The following MAGEL2 variants were observed in gnomAD, a reference collection of about 807,000 sequenced individuals.
The protein encoded by MAGEL2 is MAGE family member L2.
For missense variants in MAGEL2, 1,830 were observed against 1,699.2 expected, an observed-to-expected ratio of 1.08 and a Z score of -1.35; for synonymous variants, 792 against 721.7, an observed-to-expected ratio of 1.10 and a Z score of -1.56.
chr15:23,644,013 T>G lies in MAGEL2; in HGVS notation c.3730A>C (p.Ser1244Arg). ...ACCTATTAGCGGGGAGGGGGCCTGC[T>G]GGTGGGGCCGTGGGCACTGTCACCG... ...DTGDSAHGPTSRPPPR is the reference protein window; with the variant it reads ...DTGDSAHGPTRRPPPR The change falls in exon 1 of 1, where the codon AGC becomes CGC. Residue 1244 changes from serine (S) to arginine (R), a missense_variant. Transcript: ENST00000650528. 2 of 1,601,754 alleles carry G rather than the reference T, an allele frequency of 1.2e-6. No individual in the cohort carries two copies. Among genetic ancestry groups the G allele is most frequent in the Non-Finnish European group, 1.7e-6 (2 of 1,172,290 alleles).
Position 23,647,012 on chromosome 15 carries a change from G to A in MAGEL2, c.731C>T (p.Thr244Ile), listed in dbSNP as rs1268087987. ...AGGCTGGACCATCAGGACTCCCGGA[G>A]TCAGAGGCTGGGCCATCAGGACTCC... Reference protein sequence around the residue: ...APGVLMAQPLTPGVLMVQPAA... With the variant: ...APGVLMAQPLIPGVLMVQPAA... Residue 244 changes from threonine (T) to isoleucine (I), a missense_variant, in exon 1 of 1, where the codon ACT becomes ATT. By Grantham distance (89) the Thr-to-Ile change is moderately conservative (BLOSUM62 -1). Transcript: ENST00000650528. 2.5e-5 allele frequency: 38 copies of A among 1,536,826 alleles called. No individual in the cohort carries two copies. The highest frequency in any genetic ancestry group is 3.1e-5 in the Non-Finnish European group (36 of 1,146,842).
In MAGEL2 at chr15:23,646,493, C is replaced by A; in HGVS notation, c.1250G>T (p.Arg417Leu). 2.1e-6 allele frequency: 3 copies of A among 1,449,436 alleles called. No individual in the cohort carries two copies. Among genetic ancestry groups the A allele is most frequent in the Non-Finnish European group, 2.7e-6 (3 of 1,109,486 alleles). The allele number at this position is 1,449,436 out of a possible 1,614,324, so 89.8% of individuals were successfully genotyped here. Residue 417 changes from arginine (R) to leucine (L), a missense_variant, in exon 1 of 1, where the codon CGC becomes CTC. Arg to Leu is a moderately radical substitution (Grantham distance 102, BLOSUM62 -2). Coordinates refer to ENST00000650528, the MANE Select transcript of MAGEL2 (RefSeq NM_019066.5). This position sits in a 1 kb window ranked among gnomAD's most constrained non-coding sequence, Gnocchi z 4.2. ...PPMRQGPPPI[R>L]PGPPPIRPGP... Reference sequence around the variant, plus strand: ...AGGGCGGATGGGTGGTGGGCCAGGGCGGATGGGCGGGGGCCCCTGGCGCAT... The same window carrying A: ...AGGGCGGATGGGTGGTGGGCCAGGGAGGATGGGCGGGGGCCCCTGGCGCAT...
chr15:23,646,604 T>G lies in MAGEL2; in HGVS notation c.1139A>C (p.Gln380Pro), dbSNP rs1890411744. 1 of 1,472,020 alleles carries G rather than the reference T, an allele frequency of 6.8e-7. No individual in the cohort carries two copies. The highest frequency in any genetic ancestry group is 2.4e-5 in the Admixed American group (1 of 42,494). The allele number at this position is 1,472,020 out of a possible 1,614,324, so 91.2% of individuals were successfully genotyped here. A position where few individuals can be genotyped will look rare whatever the true frequency, so the allele number is the denominator to read the frequency against. The change falls in exon 1 of 1, where the codon CAA (glutamine) becomes CCA (proline). Residue 380 changes from glutamine to proline, a missense_variant. Gln to Pro is a moderately conservative substitution (Grantham distance 76). Transcript: ENST00000650528. This position sits in a 1 kb window ranked among gnomAD's most constrained non-coding sequence, Gnocchi z 4.2. ...ATSPGWQATQ[Q>P]GWQATPLTWQ... is the part of the protein sequence containing the mutation. ...AGTCAGGGGAGTGGCCTGCCAGCCTTGCTGCGTGGCCTGCCATCCTGGCGA... is the reference window on the plus strand; with the variant it reads ...AGTCAGGGGAGTGGCCTGCCAGCCTGGCTGCGTGGCCTGCCATCCTGGCGA...
Position 23,644,412 on chromosome 15 carries a change from C to A in MAGEL2, c.3331G>T (p.Gly1111Cys), listed in dbSNP as rs749839532. The A allele has an allele frequency of 1.2e-6, 2 of 1,613,870 alleles. No individual in the cohort carries two copies. Among genetic ancestry groups the A allele is most frequent in the Non-Finnish European group, 1.7e-6 (2 of 1,179,868 alleles). Residue 1111 changes from glycine (G) to cysteine (C), a missense_variant, in exon 1 of 1, where the codon GGC (glycine) becomes TGC (cysteine). Transcript: ENST00000650528. ...VASYLDRPKF[G>C]LLMVVLSLIF... Reference sequence around the variant, plus strand: ...AGGCTCAAGACCACCATCAGAAGGCCAAACTTGGGCCTGTCTAAATAGGAT... The same window carrying A: ...AGGCTCAAGACCACCATCAGAAGGCAAAACTTGGGCCTGTCTAAATAGGAT...
Position 23,646,854 on chromosome 15 carries a change from G to A in MAGEL2, c.889C>T (p.Pro297Ser). 6.5e-7 allele frequency: 1 copy of A among 1,536,714 alleles called. No homozygotes were observed. The highest frequency in any genetic ancestry group is 8.7e-7 in the Non-Finnish European group (1 of 1,146,856). The change falls in exon 1 of 1, where the codon CCG becomes TCG. Residue 297 changes from proline (P) to serine (S), a missense_variant. Pro to Ser is a moderately conservative substitution (Grantham distance 74, BLOSUM62 -1). Coordinates refer to ENST00000650528, the MANE Select transcript of MAGEL2 (RefSeq NM_019066.5). The surrounding 1 kb of genome is among the most constrained non-coding windows in gnomAD (Gnocchi z 4.2). ...CCTGAAGCTGGAGGCTGGGTCATCGGAGCTCTCGCACCTGGAGGATGAATC... is the reference window on the plus strand; with the variant it reads ...CCTGAAGCTGGAGGCTGGGTCATCGAAGCTCTCGCACCTGGAGGATGAATC... ...LMIHPPGARA[P>S]MTQPPASGAP...
In MAGEL2 at chr15:23,647,630, C is replaced by T. The variant is rs545665439; in HGVS notation, c.113G>A (p.Arg38Gln). Residue 38 changes from arginine (R) to glutamine (Q), a missense_variant, in exon 1 of 1, where the codon CGG becomes CAG. By Grantham distance (43) the Arg-to-Gln change is conservative (BLOSUM62 1). Coordinates refer to ENST00000650528, the MANE Select transcript of MAGEL2 (RefSeq NM_019066.5). ...TGGATCCCAAGGGACTGGCGGAGCC[C>T]GGGAGGAAGCGGGCGGGGCCCGCAT... Reference protein sequence around the residue: ...VLMRAPPASSRAPPVPWDPPP... With the variant: ...VLMRAPPASSQAPPVPWDPPP... 29 of 1,536,726 alleles carry T rather than the reference C, an allele frequency of 1.9e-5. No individual in the cohort carries two copies. In the South Asian group the frequency reaches 2.1e-4, roughly 11 times the overall value.
In MAGEL2 at chr15:23,647,014, C is replaced by CA; in HGVS notation, c.728dup (p.Thr244AspfsTer287). ...GCTGGACCATCAGGACTCCCGGAGT[C>CA]AGAGGCTGGGCCATCAGGACTCCCG... On this transcript the variant is annotated frameshift_variant, in exon 1 of 1. Transcript: ENST00000650528. LOFTEE classifies it low-confidence loss of function (END_TRUNC). 6.5e-7 allele frequency: 1 copy of CA among 1,536,584 alleles called. No homozygotes were observed. Among genetic ancestry groups the CA allele is most frequent in the Non-Finnish European group, 8.7e-7 (1 of 1,146,744 alleles).
rs1275103700 is a variant in MAGEL2 at position 23,647,228 on chromosome 15, G to C, written c.515C>G (p.Pro172Arg). Residue 172 changes from proline (P) to arginine (R), a missense_variant, in exon 1 of 1, where the codon CCT becomes CGT. Transcript: ENST00000650528. ...PPPPGTPMAH[P>R]PPPGTPMVHP... ...CACCATCGGGGTCCCCGGAGGAGGA[G>C]GATGGGCCATCGGGGTCCCCGGAGG... 6.6e-7 allele frequency: 1 copy of C among 1,524,820 alleles called. No individual in the cohort carries two copies. Among genetic ancestry groups the C allele is most frequent in the African/African-American group, 1.4e-5 (1 of 72,868 alleles). 94.5% of individuals were successfully genotyped at this position (1,524,820 alleles called of 1,614,324 possible).
At position 23,645,683 on chromosome 15, in the gene MAGEL2, T is replaced by C; in HGVS notation, c.2060A>G (p.Gln687Arg). Reference sequence around the variant, plus strand: ...GGCCTGCAAGACTGCAGGCGGTGCCTGCCAGGAAGGCTGGAGCGGCAGTGT... The same window carrying C: ...GGCCTGCAAGACTGCAGGCGGTGCCCGCCAGGAAGGCTGGAGCGGCAGTGT... ...VPTLPLQPSW[Q>R]APPAVLQAQP... is the part of the protein sequence containing the mutation. Residue 687 changes from glutamine (Q) to arginine (R), a missense_variant, in exon 1 of 1, where the codon CAG (glutamine) becomes CGG (arginine). By Grantham distance (43) the Gln-to-Arg change is conservative. Coordinates refer to ENST00000650528, the MANE Select transcript of MAGEL2 (RefSeq NM_019066.5). 1.3e-6 allele frequency: 2 copies of C among 1,560,168 alleles called. No individual in the cohort carries two copies. Among genetic ancestry groups the C allele is most frequent in the South Asian group, 1.2e-5 (1 of 81,184 alleles).
chr15:23,647,564 G>C lies in MAGEL2; in HGVS notation c.179C>G (p.Ala60Gly). 1 of 1,535,380 alleles carries C rather than the reference G, an allele frequency of 6.5e-7. No homozygotes were observed. The highest frequency in any genetic ancestry group is 8.7e-7 in the Non-Finnish European group (1 of 1,146,530). Residue 60 changes from alanine (A) to glycine (G), a missense_variant, in exon 1 of 1, where the codon GCA (alanine) becomes GGA (glycine). Ala to Gly is a moderately conservative substitution (Grantham distance 60). Transcript: ENST00000650528. ...DLQASLAAWQ[A>G]PQPAWEAPQG... ...TGGGGCCTCCCAGGCAGGCTGAGGT[G>C]CCTGCCAAGCGGCCAATGAAGCCTG...
chr15:23,644,728 G>A lies in MAGEL2; in HGVS notation c.3015C>T (p.Ala1005=). The A allele has an allele frequency of 6.2e-7, 1 of 1,613,822 alleles. No individual in the cohort carries two copies. The highest frequency in any genetic ancestry group is 8.5e-7 in the Non-Finnish European group (1 of 1,179,876). Residue 1005 remains alanine, a synonymous_variant, in exon 1 of 1, where the codon GCC becomes GCT. Transcript: ENST00000650528. Reference sequence around the variant, plus strand: ...CCTCCACCTTGGAATTATCCTGGGTGGCACTGGATCCCGGAGAGACACTTG... The same window carrying A: ...CCTCCACCTTGGAATTATCCTGGGTAGCACTGGATCCCGGAGAGACACTTG... ...EVASVSPGSS[A]TQDNSKVEAQ...
Position 23,645,955 on chromosome 15 carries a change from C to T in MAGEL2, c.1788G>A (p.Val596=). 2 of 1,566,126 alleles carry T rather than the reference C, an allele frequency of 1.3e-6. No homozygotes were observed. Among genetic ancestry groups the T allele is most frequent in the Non-Finnish European group, 1.7e-6 (2 of 1,155,058 alleles). ...IWQAPKGQPP[V]PHEIPTSMEF... ...CCATTGACGTTGGAATCTCGTGTGG[C>T]ACCGGGGGCTGACCTTTGGGGGCCT... Residue 596 remains valine (V), a synonymous_variant, in exon 1 of 1, where the codon GTG becomes GTA. Transcript: ENST00000650528.
Position 23,645,326 on chromosome 15 carries a change from C to A in MAGEL2, c.2417G>T (p.Gly806Val). 4.3e-6 allele frequency: 7 copies of A among 1,613,956 alleles called. No homozygotes were observed. The highest frequency in any genetic ancestry group is 5.9e-6 in the Non-Finnish European group (7 of 1,179,880). ...TGGGGTCTCTGAGGCAGCAGAGGGG[C>A]CTTTAAAGGCATTCAGAGAGGCAGG... Reference protein sequence around the residue: ...FQPASLNAFKGPSAASETPKS... With the variant: ...FQPASLNAFKVPSAASETPKS... The change falls in exon 1 of 1, where the codon GGC becomes GTC. Residue 806 changes from glycine to valine, a missense_variant. Transcript: ENST00000650528.
chr15:23,645,321 A>G lies in MAGEL2; in HGVS notation c.2422T>C (p.Ser808Pro). Reference protein sequence around the residue: ...PASLNAFKGPSAASETPKSLP... With the variant: ...PASLNAFKGPPAASETPKSLP... ...GACTTTGGGGTCTCTGAGGCAGCAG[A>G]GGGGCCTTTAAAGGCATTCAGAGAG... Residue 808 changes from serine to proline, a missense_variant, in exon 1 of 1, where the codon TCT becomes CCT. By Grantham distance (74) the Ser-to-Pro change is moderately conservative (BLOSUM62 -1). Transcript: ENST00000650528. 1.2e-6 allele frequency: 2 copies of G among 1,613,982 alleles called. No homozygotes were observed. Among genetic ancestry groups the G allele is most frequent in the Non-Finnish European group, 1.7e-6 (2 of 1,179,878 alleles).
rs751155950 is a variant in MAGEL2 at position 23,647,316 on chromosome 15, G to C, written c.427C>G (p.Pro143Ala). 2 of 1,536,530 alleles carry C rather than the reference G, an allele frequency of 1.3e-6. No homozygotes were observed. Among genetic ancestry groups the C allele is most frequent in the East Asian group, 2.5e-5 (1 of 40,810 alleles). ...SAPGAPMAHP[P>A]PPGTPMSHPP... ...TGGGACATTGGGGTCCCCGGAGGAG[G>C]AGGATGGGCCATGGGAGCTCCGGGA... is the stretch of plus-strand genomic sequence containing the variant. The change falls in exon 1 of 1, where the codon CCT becomes GCT. Residue 143 changes from proline to alanine, a missense_variant. By Grantham distance (27) the Pro-to-Ala change is conservative. Coordinates refer to ENST00000650528, the MANE Select transcript of MAGEL2 (RefSeq NM_019066.5).
In MAGEL2 at chr15:23,644,082, C is replaced by A. The variant is rs779840896; in HGVS notation, c.3661G>T (p.Ala1221Ser). The stretch of plus-strand genomic sequence containing the variant: ...TCTGTGTCTTCCCACTCACACTCTG[C>A]GAGCGCTTCAAGGTAATGGAATGGC... ...SWPFHYLEALAECEWEDTDED... is the reference protein window; with the variant it reads ...SWPFHYLEALSECEWEDTDED... Residue 1221 changes from alanine to serine, a missense_variant, in exon 1 of 1, where the codon GCA becomes TCA. By Grantham distance (99) the Ala-to-Ser change is moderately conservative (BLOSUM62 1). Transcript: ENST00000650528. The A allele has an allele frequency of 3.7e-6, 6 of 1,613,720 alleles. No homozygotes were observed. Among genetic ancestry groups the A allele is most frequent in the Non-Finnish European group, 8.5e-7 (1 of 1,179,866 alleles).
chr15:23,645,146 G>A lies in MAGEL2; in HGVS notation c.2597C>T (p.Ala866Val), dbSNP rs1334024157. The change falls in exon 1 of 1, where the codon GCC becomes GTC. Residue 866 changes from alanine to valine, a missense_variant. Coordinates refer to ENST00000650528, the MANE Select transcript of MAGEL2 (RefSeq NM_019066.5). ...GGTCTTGGAGGCCTCTTGAGTGGTG[G>A]CAGTTGCCTGGGGGGCAGCTGCTGT... ...MATAAAPQAT[A>V]TTQEASKTSV... The A allele has an allele frequency of 6.2e-7, 1 of 1,613,630 alleles. No individual in the cohort carries two copies. The highest frequency in any genetic ancestry group is 1.3e-5 in the African/African-American group (1 of 74,958).
At position 23,646,252 on chromosome 15, in the gene MAGEL2, C is replaced by T. The variant is rs1170154433; in HGVS notation, c.1491G>A (p.Pro497=). ...CCTGTGGGGCAGGTCGGATGGGCGG[C>T]GGCGCCTGGCGGATCAGCGGCGGGG... ...RQAPPLIRQA[P]PPIRPAPQVL... The change falls in exon 1 of 1, where the codon CCG becomes CCA. Residue 497 remains proline, a synonymous_variant. Coordinates refer to ENST00000650528, the MANE Select transcript of MAGEL2 (RefSeq NM_019066.5). The surrounding 1 kb of genome is among the most constrained non-coding windows in gnomAD (Gnocchi z 4.2). The T allele has an allele frequency of 5.9e-6, 8 of 1,356,100 alleles. No individual in the cohort carries two copies. The South Asian group carries it at 9.4e-5, about 16-fold the overall frequency. 84.0% of individuals were successfully genotyped at this position (1,356,100 alleles called of 1,614,324 possible). A position where few individuals can be genotyped will look rare whatever the true frequency, so the allele number is the denominator to read the frequency against.
chr15:23,643,986 A>G lies in MAGEL2; in HGVS notation c.*7T>C, dbSNP rs374658626. Reference sequence around the variant, plus strand: ...GAAACACAGGAGCGAGATCTCTGCTACACCTATTAGCGGGGAGGGGGCCTG... The same window carrying G: ...GAAACACAGGAGCGAGATCTCTGCTGCACCTATTAGCGGGGAGGGGGCCTG... On this transcript the variant is annotated 3_prime_UTR_variant, in exon 1 of 1. Transcript: ENST00000650528. 2.0e-5 allele frequency: 31 copies of G among 1,581,562 alleles called. No individual in the cohort carries two copies. The highest frequency in any genetic ancestry group is 5.8e-5 in the South Asian group (5 of 85,746).
Sources: gnomAD v4.1 joint callset for allele counts on GRCh38, gnomAD v4.1.1 for gene constraint, Gnocchi (gnomAD v3.1) non-coding constraint, MANE v1.5 for transcripts, NCBI Gene and HGNC (gene_info 2026-07-23, HGNC 2026-07-21) for gene names.